The following ELMOD1 variants were observed in gnomAD, a reference collection of about 807,000 sequenced individuals.
The protein encoded by ELMOD1 is ELMO domain containing 1.
ELMOD1 carries 21 observed loss-of-function variants against 46.7 expected under a neutral mutation model. That is an observed-to-expected ratio of 0.45 (90% CI 0.32 to 0.65). The LOEUF is 0.65. Among genes scored for constraint, ELMOD1 ranks in the 30% least tolerant of loss-of-function variants. The pLI is 0.04. For synonymous variants in ELMOD1, 122 were observed against 138.2 expected (o/e 0.88, Z 0.82); for missense variants, 348 against 407.8 (o/e 0.85, Z 1.26).
At chr11:107,640,384 G>T (rs183957584) in intron 6 of ELMOD1, among the ~76,000 whole-genome samples, 1 of 151,972 alleles carries the variant, frequency 6.6e-6, no homozygotes, top group African/African-American at 2.4e-5. Context: ...GCATAATTTC[G>T]AAGTCAACAT....
At chr11:107,624,898 A>G (rs990343904) in intron 2 of ELMOD1, among the ~76,000 whole-genome samples, 11 of 152,210 alleles carry the variant, frequency 7.2e-5, no homozygotes, top group Non-Finnish European at 1.0e-4. Flanking sequence ...TGATAGATAT[A>G]TAACCACCAA....
chr11:107,643,752 T>G (rs1866368504), intron 6 of ELMOD1: 1 of 481,788 alleles, frequency 2.1e-6, no homozygotes, highest in Non-Finnish European at 4.2e-6. Context: ...TCTTGACTCT[T>G]ATGTTCTGTT....
At chr11:107,592,052 G>T in intron 1 of ELMOD1, 1 of 470,848 alleles carries the variant, frequency 2.1e-6, no homozygotes, top group Non-Finnish European at 4.4e-6. Flanking sequence ...TGACGGGGCT[G>T]TTAAAAGCAG....
At position 107,617,560 on chromosome 11, in the gene ELMOD1, C is replaced by T. The variant is rs188852589; in HGVS notation, c.-85-545C>T. Among the ~76,000 whole-genome samples, 209 of 152,326 alleles carry T rather than the reference C, an allele frequency of 1.4e-3. 1 individual carries two copies. Among genetic ancestry groups the T allele is most frequent in the African/African-American group, 4.6e-3 (193 of 41,574 alleles). On this transcript the variant is annotated intron_variant, in intron 1 of 11. Transcript: ENST00000265840. ...CATGCAAATATCAAATCTCACTGCTCTGTTCACAGTGCCAAAAGACAATGG... is the reference window on the plus strand; with the variant it reads ...CATGCAAATATCAAATCTCACTGCTTTGTTCACAGTGCCAAAAGACAATGG...
At position 107,642,116 on chromosome 11, in the gene ELMOD1, G is replaced by T. The variant is rs181029893; in HGVS notation, c.421-5352G>T. 2.6e-3 allele frequency among the ~76,000 whole-genome samples: 391 copies of T among 150,120 alleles called. 3 individuals carry two copies. Among genetic ancestry groups the T allele is most frequent in the African/African-American group, 9.2e-3 (374 of 40,864 alleles). ...CTGCCACCATGCCCGGCTAATTTTTGTATTTTGAGTAGAGACAGGGTTTCA... is the reference window on the plus strand; with the variant it reads ...CTGCCACCATGCCCGGCTAATTTTTTTATTTTGAGTAGAGACAGGGTTTCA... On this transcript the variant is annotated intron_variant, in intron 6 of 11. Transcript: ENST00000265840.
At chr11:107,655,573 CTTT>C (rs746890763) in intron 10 of ELMOD1, among the ~76,000 whole-genome samples, 5 of 112,470 alleles carry the variant, frequency 4.4e-5, no homozygotes, top group Admixed American at 1.1e-4. Flanking sequence ...ATTGAAATGC[CTTT>C]TTTTTTTTTT....
At chr11:107,614,327 A>G (rs969669636) in intron 1 of ELMOD1, among the ~76,000 whole-genome samples, 2 of 152,114 alleles carry the variant, frequency 1.3e-5, no homozygotes, top group Non-Finnish European at 2.9e-5. Flanking sequence ...TATTCTTCAT[A>G]TTACAATCAG....
At chr11:107,665,003 A>T in intron 11 of ELMOD1, 22 bp from the exon 12 acceptor site, 1 of 1,589,050 alleles carries the variant, frequency 6.3e-7, no homozygotes, top group Non-Finnish European at 8.6e-7. Context: ...CTGCATTCTT[A>T]TCATTGTATT....
chr11:107,631,406 C>CCCT (rs1866137581), intron 4 of ELMOD1, among the ~76,000 whole-genome samples, 174 bp from the exon 5 acceptor site: 1 of 135,876 alleles, frequency 7.4e-6, no homozygotes, highest in African/African-American at 2.8e-5. Context: ...TACCCCCCCC[C>CCCT]CCATCGTGAA....
intron 6 of ELMOD1, among the ~76,000 whole-genome samples, chr11:107,639,338 T>C (rs1866281205): frequency 6.6e-6 from 1 of 152,188 alleles, no homozygotes; most frequent in African/African-American, 2.4e-5. Context: ...TTGTGATCAT[T>C]TGAACATAGC....
intron 6 of ELMOD1, among the ~76,000 whole-genome samples, chr11:107,642,494 A>G (rs1201962522): frequency 1.3e-5 from 2 of 152,024 alleles, no homozygotes; most frequent in African/African-American, 2.4e-5. Flanking sequence ...CAGCCTCCCA[A>G]GTAGCTGGGA....
chr11:107,656,399 T>C (rs187728775), intron 11 of ELMOD1, among the ~76,000 whole-genome samples: 1 of 135,440 alleles, frequency 7.4e-6, no homozygotes, highest in Admixed American at 7.2e-5. Flanking sequence ...AAAAAAATGA[T>C]ATATATGTAT....
chr11:107,641,939 C>CTTTTTTTTTTTTTTTTTTT (rs34475862), intron 6 of ELMOD1, among the ~76,000 whole-genome samples: 1 of 100,466 alleles, frequency 1.0e-5, no homozygotes, highest in Non-Finnish European at 1.9e-5. Context: ...TGAGCTTACT[C>CTTTTTTTTTTTTTTTTTTT]TTTTTTTTTT....
chr11:107,599,866 T>A (rs1865566591), intron 1 of ELMOD1, among the ~76,000 whole-genome samples: 1 of 151,866 alleles, frequency 6.6e-6, no homozygotes, highest in South Asian at 2.1e-4. Context: ...AGAAATAATA[T>A]GGGTTAGATA....
chr11:107,656,499 A>G (rs974719018), intron 11 of ELMOD1, among the ~76,000 whole-genome samples: 4 of 149,802 alleles, frequency 2.7e-5, no homozygotes, highest in Non-Finnish European at 5.9e-5. Context: ...GAGAGAGAGA[A>G]AGAGAAAGAG....
In ELMOD1 at chr11:107,625,000, G is replaced by A. The variant is rs370763247; in HGVS notation, c.18-5417G>A. ...CCACAGGGCCCCACACTATCTGGGCGTGGGATCTTGGAACCTCTCCCCTGC... is the reference window on the plus strand; with the variant it reads ...CCACAGGGCCCCACACTATCTGGGCATGGGATCTTGGAACCTCTCCCCTGC... On this transcript the variant is annotated intron_variant, in intron 2 of 11. Coordinates refer to ENST00000265840, the MANE Select transcript of ELMOD1 (RefSeq NM_018712.4). 1.9e-3 allele frequency among the ~76,000 whole-genome samples: 285 copies of A among 152,292 alleles called. 1 individual carries two copies. The highest frequency in any genetic ancestry group is 6.4e-3 in the African/African-American group (265 of 41,556).
intron 2 of ELMOD1, among the ~76,000 whole-genome samples, chr11:107,621,717 T>TGTTTG (rs1555063344): frequency 6.6e-6 from 1 of 152,164 alleles, no homozygotes; most frequent in South Asian, 2.1e-4. Context: ...CTGTGAGGTA[T>TGTTTG]TGTAGGTGAT....
At chr11:107,649,976 C>T (rs540187481) in intron 7 of ELMOD1, among the ~76,000 whole-genome samples, 3 of 152,252 alleles carry the variant, frequency 2.0e-5, no homozygotes, top group South Asian at 4.2e-4. Context: ...TGTCCCTCAC[C>T]GAGGCTTCTG....
intron 6 of ELMOD1, among the ~76,000 whole-genome samples, chr11:107,642,381 A>G (rs1866340335): frequency 6.8e-6 from 1 of 146,154 alleles, no homozygotes; most frequent in Non-Finnish European, 1.5e-5. Flanking sequence ...TTACTTATTT[A>G]TTTTTGAGAT....
Sources: gnomAD v4.1 joint callset for allele counts (sites outside exome capture counted in the v4.1 genomes callset) on GRCh38, gnomAD v4.1.1 for gene constraint, MANE v1.5 for transcripts, NCBI Gene and HGNC (gene_info 2026-07-23, HGNC 2026-07-21) for gene names.